Variants in PCCB observed in about 807,000 individuals in gnomAD.
PCCB encodes the protein propionyl-CoA carboxylase subunit beta, also known as propionyl-CoA carboxylase beta chain, mitochondrial.
In PCCB, 43 loss-of-function variants were observed where a neutral mutation model predicts 60.7. The ratio of observed to expected loss-of-function variants is 0.71; its 90% CI spans 0.55 to 0.91. The LOEUF (loss-of-function observed/expected upper bound fraction) is 0.91, where lower values mean the gene tolerates loss of function less well. PCCB is among the 40% of genes least tolerant of loss of function. The pLI, the probability that PCCB is intolerant of heterozygous loss-of-function variation, is 0.00. For synonymous variants in PCCB, 276 were observed against 255.9 expected (o/e 1.08, Z -0.75); for missense variants, 766 against 702.8 (o/e 1.09, Z -1.02).
At chr3:136,260,160 G>C (rs1304760374) in intron 3 of PCCB, 3 of 432,426 alleles carry the variant, frequency 6.9e-6, no homozygotes, top group East Asian at 5.1e-5. Flanking sequence ...TGAAGCCTCT[G>C]TCTCCAGGGC....
In PCCB at chr3:136,301,039, G is replaced by C. The variant is rs746964439; in HGVS notation, c.894G>C (p.Leu298=). 6.2e-7 allele frequency: 1 copy of C among 1,614,012 alleles called. No individual in the cohort carries two copies. Among genetic ancestry groups the C allele is most frequent in the South Asian group, 1.1e-5 (1 of 91,080 alleles). ...VRECHDPSDR[L]VPELDTIVPL... is the part of the protein sequence containing the mutation. ...TTTTTTCTGCCTAAAGTGACCGTCTGGTTCCTGAGCTTGACACAATTGTCC... is the reference window on the plus strand; with the variant it reads ...TTTTTTCTGCCTAAAGTGACCGTCTCGTTCCTGAGCTTGACACAATTGTCC... Residue 298 remains leucine (L), a synonymous_variant, in exon 9 of 15, where the codon CTG becomes CTC. Transcript: ENST00000251654.
At chr3:136,304,208 G>T (rs1934380264) in intron 9 of PCCB, among the ~76,000 whole-genome samples, 1 of 111,240 alleles carries the variant, frequency 9.0e-6, no homozygotes, top group Non-Finnish European at 2.0e-5. Flanking sequence ...AGGCTGGAGT[G>T]CAGCGGTGTG....
chr3:136,253,175 C>T (rs1395954242), intron 1 of PCCB, among the ~76,000 whole-genome samples: 2 of 147,102 alleles, frequency 1.4e-5, no homozygotes, highest in Non-Finnish European at 3.0e-5. Flanking sequence ...CTGCAAGCTC[C>T]GCCTCCCGGG....
chr3:136,278,292 T>TA (rs1043950805), intron 5 of PCCB, among the ~76,000 whole-genome samples: 4 of 152,188 alleles, frequency 2.6e-5, no homozygotes, highest in African/African-American at 9.7e-5. Context: ...TCTGGAGACT[T>TA]ACAGTTTTTC....
intron 5 of PCCB, among the ~76,000 whole-genome samples, chr3:136,271,437 T>G (rs1026102539): frequency 6.6e-6 from 1 of 152,194 alleles, no homozygotes; most frequent in Non-Finnish European, 1.5e-5. Flanking sequence ...AATCTGTAGA[T>G]TGCTTTGGGC....
chr3:136,298,436 A>C (rs1401888123), intron 8 of PCCB, among the ~76,000 whole-genome samples: 2 of 151,678 alleles, frequency 1.3e-5, no homozygotes, highest in Non-Finnish European at 2.9e-5. Context: ...CCTTCCCCTC[A>C]CCCACAAAAG....
intron 6 of PCCB, among the ~76,000 whole-genome samples, chr3:136,284,905 A>G (rs1474339238): frequency 2.6e-5 from 4 of 151,928 alleles, no homozygotes; most frequent in African/African-American, 9.7e-5. Context: ...TAGGCAACGT[A>G]GCGAAACCCC....
At chr3:136,287,067 C>T (rs1317062428) in intron 6 of PCCB, among the ~76,000 whole-genome samples, 1 of 151,378 alleles carries the variant, frequency 6.6e-6, no homozygotes, top group Non-Finnish European at 1.5e-5. Flanking sequence ...TAACCCAGGT[C>T]AGGAAATAGC....
At chr3:136,323,852 C>T (rs1245700602) in intron 10 of PCCB, among the ~76,000 whole-genome samples, 3 of 147,558 alleles carry the variant, frequency 2.0e-5, no homozygotes, top group Admixed American at 6.8e-5. Context: ...TAGTCTTTTT[C>T]TAGTAAGTTC....
At chr3:136,270,097 T>C (rs1576414148) in intron 5 of PCCB, among the ~76,000 whole-genome samples, 2 of 151,850 alleles carry the variant, frequency 1.3e-5, no homozygotes, top group Admixed American at 1.3e-4. Context: ...TATTGTCAAA[T>C]GCTTTTTTCT....
At chr3:136,286,440 A>G (rs1416098004) in intron 6 of PCCB, among the ~76,000 whole-genome samples, 2 of 152,262 alleles carry the variant, frequency 1.3e-5, no homozygotes, top group Non-Finnish European at 2.9e-5. Flanking sequence ...TCTCAAACTT[A>G]ACAGGTTTTG....
rs188142342 is a variant in PCCB, at chr3:136,277,492, C to T, written c.544-6345C>T. ...CCATAAAGCTGCCAAAAGTTTCTGT[C>T]CTTTGTATTAAGTAACCAGGGTGGG... On this transcript the variant is annotated intron_variant, in intron 5 of 14. Coordinates refer to ENST00000251654, the MANE Select transcript of PCCB (RefSeq NM_000532.5). 1.2e-3 allele frequency among the ~76,000 whole-genome samples: 180 copies of T among 152,074 alleles called. 1 individual carries two copies. The highest frequency in any genetic ancestry group is 0.011 in the Admixed American group (165 of 15,284).
chr3:136,254,518 CTTTT>C (rs3994953), intron 1 of PCCB, among the ~76,000 whole-genome samples: 3 of 45,928 alleles, frequency 6.5e-5, no homozygotes, highest in Non-Finnish European at 1.1e-4. Context: ...CTGCGGCTAG[CTTTT>C]TTTTTTTTTT....
At chr3:136,299,770 G>GTATGCATGTGTATGTATGTA (rs1355658510) in intron 8 of PCCB, among the ~76,000 whole-genome samples, 1 of 149,662 alleles carries the variant, frequency 6.7e-6, no homozygotes, top group Non-Finnish European at 1.5e-5. Flanking sequence ...GTATGTATAG[G>GTATGCATGTGTATGTATGTA]TATGCATGTG....
At chr3:136,261,010 T>A (rs1305506921) in intron 4 of PCCB, among the ~76,000 whole-genome samples, 1 of 152,200 alleles carries the variant, frequency 6.6e-6, no homozygotes, top group Non-Finnish European at 1.5e-5. Flanking sequence ...ATATCAATAA[T>A]GAAGAGAAAT....
chr3:136,315,459 G>A (rs1248244155), intron 9 of PCCB, among the ~76,000 whole-genome samples: 14 of 152,116 alleles, frequency 9.2e-5, no homozygotes, highest in Non-Finnish European at 1.8e-4. Context: ...CCCAGGGGGC[G>A]GAGATTGCAG....
At chr3:136,299,882 ATG>A (rs1232728676) in intron 8 of PCCB, among the ~76,000 whole-genome samples, 2 of 151,864 alleles carry the variant, frequency 1.3e-5, no homozygotes, top group African/African-American at 4.8e-5. Flanking sequence ...ATGCATGTGT[ATG>A]TACGTATATG....
intron 11 of PCCB, 104 bp from the exon 12 acceptor site, chr3:136,327,051 T>C: frequency 8.3e-7 from 1 of 1,198,208 alleles, no homozygotes; most frequent in Non-Finnish European, 1.2e-6. Context: ...TAGGGCTGTG[T>C]AAGGAATGGC....
At chr3:136,278,303 C>T (rs1034656800) in intron 5 of PCCB, among the ~76,000 whole-genome samples, 1 of 152,118 alleles carries the variant, frequency 6.6e-6, no homozygotes, top group African/African-American at 2.4e-5. Context: ...ACAGTTTTTC[C>T]CTTGTCTTAT....
Sources: gnomAD v4.1 joint callset for allele counts (sites outside exome capture counted in the v4.1 genomes callset) on GRCh38, gnomAD v4.1.1 for gene constraint, MANE v1.5 for transcripts, NCBI Gene and HGNC (gene_info 2026-07-23, HGNC 2026-07-21) for gene names.